Variants in PPARGC1B observed in about 807,000 individuals in gnomAD.
The protein encoded by PPARGC1B is PPARG coactivator 1 beta.
In PPARGC1B, 34 loss-of-function variants were observed where a neutral mutation model predicts 101.6. The observed-to-expected ratio is 0.33, with a 90% CI of 0.25 to 0.45. The LOEUF is 0.45. PPARGC1B is among the 20% of genes least tolerant of loss of function. PPARGC1B has a pLI of 1.00. For synonymous variants in PPARGC1B, 548 were observed against 539.3 expected (o/e 1.02, Z -0.22); for missense variants, 1,234 against 1,317.6 (o/e 0.94, Z 0.98).
At chr5:149,739,857 A>G (rs2113082121) in intron 1 of PPARGC1B, 1 of 152,412 alleles carries the variant, frequency 6.6e-6, no homozygotes, top group African/African-American at 2.4e-5. Flanking sequence ...AGAGGGAGCC[A>G]AGGGGTCAGC....
intron 1 of PPARGC1B, among the ~76,000 whole-genome samples, chr5:149,765,124 C>A (rs535263875): frequency 6.6e-6 from 1 of 152,294 alleles, no homozygotes; most frequent in East Asian, 1.9e-4. Flanking sequence ...GAGGGAGGGA[C>A]CCTGTGAAAC....
chr5:149,735,142 A>G (rs894581449), intron 1 of PPARGC1B, among the ~76,000 whole-genome samples: 4 of 152,206 alleles, frequency 2.6e-5, no homozygotes, highest in Non-Finnish European at 5.9e-5. Flanking sequence ...TGTGAGACTT[A>G]GGGAGAGTAA....
intron 1 of PPARGC1B, among the ~76,000 whole-genome samples, chr5:149,748,093 G>A (rs552243395): frequency 6.6e-6 from 1 of 152,246 alleles, no homozygotes; most frequent in South Asian, 2.1e-4. Context: ...ACAACCAGAG[G>A]AGGGGCAGTA....
intron 3 of PPARGC1B, among the ~76,000 whole-genome samples, chr5:149,827,726 C>A (rs561314023): frequency 1.3e-5 from 2 of 152,090 alleles, no homozygotes; most frequent in Admixed American, 1.3e-4. Context: ...TGAGCGTGTG[C>A]GGAATGTGGA....
rs1757212447 is a variant in PPARGC1B at position 149,796,241 on chromosome 5, G to A, written c.79-24192G>A. 2.0e-5 allele frequency among the ~76,000 whole-genome samples: 3 copies of A among 152,276 alleles called. No individual in the cohort carries two copies. In the South Asian group the frequency reaches 6.2e-4, roughly 32 times the overall value. ...GGAGTAGGGGGGGCCTGTTGGAGGA[G>A]GTGACATTTGATCTAAACATCAGAA... On this transcript the variant is annotated intron_variant, in intron 1 of 11. Coordinates refer to ENST00000309241, the MANE Select transcript of PPARGC1B (RefSeq NM_133263.4).
chr5:149,740,508 T>G (rs1346945691), intron 1 of PPARGC1B, among the ~76,000 whole-genome samples: 8 of 152,122 alleles, frequency 5.3e-5, no homozygotes, highest in Admixed American at 4.6e-4. Flanking sequence ...TGACGAGGGA[T>G]CCCATCCAGC....
rs755254703 is a variant in PPARGC1B at position 149,833,082 on chromosome 5, T to G, written c.1009T>G (p.Trp337Gly). ...GTCCCGGCACCACTCCAAAGCCTCC[T>G]GGGCTGAGTTCTCCATTCTGAGGGA... ...PWSRHHSKASWAEFSILRELL... is the reference protein window; with the variant it reads ...PWSRHHSKASGAEFSILRELL... The change falls in exon 5 of 12, where the codon TGG (tryptophan) becomes GGG (glycine). Residue 337 changes from tryptophan (W) to glycine (G), a missense_variant. This residue lies in a region of PPARGC1B where 734 missense variants were observed against 768.4 expected (regional missense o/e 0.96). Coordinates refer to ENST00000309241, the MANE Select transcript of PPARGC1B (RefSeq NM_133263.4). The surrounding 1 kb of genome is among the most constrained non-coding windows in gnomAD (Gnocchi z 4.1). The G allele has an allele frequency of 4.3e-6, 7 of 1,613,822 alleles. No homozygotes were observed. The highest frequency in any genetic ancestry group is 3.3e-5 in the Admixed American group (2 of 60,004).
rs1289539073 is a variant in PPARGC1B at position 149,833,532 on chromosome 5, G to A, written c.1459G>A (p.Gly487Ser). Residue 487 changes from glycine to serine, a missense_variant, in exon 5 of 12, where the codon GGC (glycine) becomes AGC (serine). Gly to Ser is a moderately conservative substitution (Grantham distance 56). Around this residue, in one of 3 missense-constraint regions of PPARGC1B, gnomAD observed 734 missense variants for 768.4 expected, o/e 0.96. Coordinates refer to ENST00000309241, the MANE Select transcript of PPARGC1B (RefSeq NM_133263.4). The surrounding 1 kb of genome is among the most constrained non-coding windows in gnomAD (Gnocchi z 4.1). ...RRSRRLNPEL[G>S]PWLTFADEPL... ...TTCTCGGAGACTGAACCCTGAGCTGGGCCCCTGGCTGACATTTGCAGATGA... is the reference window on the plus strand; with the variant it reads ...TTCTCGGAGACTGAACCCTGAGCTGAGCCCCTGGCTGACATTTGCAGATGA... 3.2e-6 allele frequency: 5 copies of A among 1,572,876 alleles called. No homozygotes were observed. The highest frequency in any genetic ancestry group is 4.3e-6 in the Non-Finnish European group (5 of 1,159,258).
intron 1 of PPARGC1B, among the ~76,000 whole-genome samples, chr5:149,752,661 T>C (rs967607979): frequency 6.6e-5 from 10 of 152,178 alleles, no homozygotes; most frequent in Non-Finnish European, 8.8e-5. Context: ...AAACCCTGTC[T>C]CCACTAAAAA....
At chr5:149,807,134 AT>A (rs113728426) in intron 1 of PPARGC1B, among the ~76,000 whole-genome samples, 657 of 138,404 alleles carry the variant, frequency 4.7e-3, no homozygotes, top group Non-Finnish European at 4.6e-3. Context: ...CAATTTTTGT[AT>A]TTTTTTTTTT....
intron 1 of PPARGC1B, among the ~76,000 whole-genome samples, chr5:149,758,739 A>G (rs1055731442): frequency 6.6e-6 from 1 of 152,184 alleles, no homozygotes; most frequent in Non-Finnish European, 1.5e-5. Context: ...GGTGTCTTGT[A>G]TCTCTACTGG....
In PPARGC1B at chr5:149,778,270, G is replaced by A. The variant is rs567860044; in HGVS notation, c.79-42163G>A. The stretch of plus-strand genomic sequence containing the variant: ...GGAGGCAGCCCCTGACCCAAGAGTG[G>A]TGAGGAGGCCTGGGTTCCTGGCAAG... On this transcript the variant is annotated intron_variant, in intron 1 of 11. Transcript: ENST00000309241. Among the ~76,000 whole-genome samples the A allele has an allele frequency of 5.9e-5, 9 of 152,138 alleles. No homozygotes were observed. The South Asian group carries it at 1.0e-3, about 18-fold the overall frequency.
chr5:149,744,918 T>TG (rs1334961602), intron 1 of PPARGC1B, among the ~76,000 whole-genome samples: 14 of 151,282 alleles, frequency 9.3e-5, no homozygotes, highest in African/African-American at 3.2e-4. Flanking sequence ...CTTTTTTTTT[T>TG]TTTTTTTTGA....
rs201395294 is a variant in PPARGC1B, at chr5:149,836,502, C to G, written c.2047C>G (p.Arg683Gly). Reference protein sequence around the residue: ...AQPASQAGQKRPFSCSFGDHD... With the variant: ...AQPASQAGQKGPFSCSFGDHD... Reference sequence around the variant, plus strand: ...GCCAGCCTCCCAGGCTGGCCAGAAGCGTCCCTTCTCCTGTTCCTTTGGAGA... The same window carrying G: ...GCCAGCCTCCCAGGCTGGCCAGAAGGGTCCCTTCTCCTGTTCCTTTGGAGA... The change falls in exon 8 of 12, where the codon CGT (arginine) becomes GGT (glycine). Residue 683 changes from arginine to glycine, a missense_variant. Transcript: ENST00000309241. 3.7e-5 allele frequency: 60 copies of G among 1,614,092 alleles called. No individual in the cohort carries two copies. The Middle Eastern group carries it at 9.9e-4, about 27-fold the overall frequency.
Position 149,832,616 on chromosome 5 carries a change from T to G in PPARGC1B, c.583-40T>G. On this transcript the variant is annotated intron_variant, in intron 4 of 11. Coordinates refer to ENST00000309241, the MANE Select transcript of PPARGC1B (RefSeq NM_133263.4). This position sits in a 1 kb window ranked among gnomAD's most constrained non-coding sequence, Gnocchi z 4.9. ...CGGATGAGACACATGGGAGGAGTGT[T>G]TGGGCCTCCTTCCTCACTCTGGCCT... The G allele has an allele frequency of 6.8e-7, 1 of 1,472,300 alleles. No individual in the cohort carries two copies. The allele number at this position is 1,472,300 out of a possible 1,614,324, so 91.2% of individuals were successfully genotyped here.
At chr5:149,732,141 C>T (rs1035766678) in intron 1 of PPARGC1B, among the ~76,000 whole-genome samples, 1 of 152,084 alleles carries the variant, frequency 6.6e-6, no homozygotes, top group Non-Finnish European at 1.5e-5. Context: ...GAGCTCCCGC[C>T]GTCGTCGCCG....
intron 1 of PPARGC1B, among the ~76,000 whole-genome samples, chr5:149,741,925 T>A (rs866350170): frequency 6.6e-6 from 1 of 152,164 alleles, no homozygotes; most frequent in Non-Finnish European, 1.5e-5. Context: ...CCACCACGCC[T>A]GGCATAGCCA....
chr5:149,817,301 C>T lies in PPARGC1B; in HGVS notation c.79-3132C>T, dbSNP rs575456859. ...AAGCCTGGGCAACATAGAGAGACCC[C>T]TGTCTGTACAAAAAATTAAAAAAGA... is the stretch of plus-strand genomic sequence containing the variant. On this transcript the variant is annotated intron_variant, in intron 1 of 11. Transcript: ENST00000309241. 6.6e-5 allele frequency among the ~76,000 whole-genome samples: 10 copies of T among 152,174 alleles called. No individual in the cohort carries two copies. In the South Asian group the frequency reaches 1.9e-3, roughly 28 times the overall value.
At chr5:149,738,478 G>C (rs1191416413) in intron 1 of PPARGC1B, among the ~76,000 whole-genome samples, 1 of 152,204 alleles carries the variant, frequency 6.6e-6, no homozygotes, top group Non-Finnish European at 1.5e-5. Context: ...TCCTGAGAAG[G>C]GATGGAATAC....
Sources: allele counts gnomAD v4.1 joint callset (sites outside exome capture counted in the v4.1 genomes callset), GRCh38; gene constraint gnomAD v4.1.1; regional missense constraint gnomAD v4.1.1; non-coding constraint Gnocchi (gnomAD v3.1); transcripts MANE v1.5; gene names NCBI Gene and HGNC (gene_info 2026-07-23, HGNC 2026-07-21).